Variants in USP22 observed in about 807,000 individuals in gnomAD.
The protein encoded by USP22 is ubiquitin carboxyl-terminal hydrolase 22.
USP22 carries 22 observed loss-of-function variants against 68.1 expected under a neutral mutation model. The ratio of observed to expected loss-of-function variants is 0.32; its 90% CI spans 0.23 to 0.46. USP22 has a LOEUF of 0.46. Among genes scored for constraint, USP22 ranks in the 20% least tolerant of loss-of-function variants. USP22 has a pLI of 1.00. For synonymous variants in USP22, 279 were observed against 274.2 expected, an observed-to-expected ratio of 1.02 and a Z score of -0.17; for missense variants, 433 against 695.8, an observed-to-expected ratio of 0.62 and a Z score of 4.25.
chr17:21,002,831 A>C lies in USP22; in HGVS notation c.*200T>G. 1 of 600,098 alleles carries C rather than the reference A, an allele frequency of 1.7e-6. No homozygotes were observed. Among genetic ancestry groups the C allele is most frequent in the Admixed American group, 2.7e-5 (1 of 37,562 alleles). The allele number at this position is 600,098 out of a possible 1,614,324, so 37.2% of individuals were successfully genotyped here. A position where few individuals can be genotyped will look rare whatever the true frequency, so the allele number is the denominator to read the frequency against. ...CCCTCATCTCATCCATCTTCAAAGC[A>C]GCTCCAGGAGCCTCCCCGTCCGTGT... On this transcript the variant is annotated 3_prime_UTR_variant, in exon 13 of 13. Coordinates refer to ENST00000261497, the MANE Select transcript of USP22 (RefSeq NM_015276.2).
chr17:21,012,004 G>A (rs1054423518), intron 7 of USP22, among the ~76,000 whole-genome samples: 4 of 152,160 alleles, frequency 2.6e-5, no homozygotes, highest in African/African-American at 4.8e-5. Flanking sequence ...AATGGCCCCC[G>A]TGACACAGGC....
At chr17:21,023,636 CTA>C (rs1390409317) in intron 2 of USP22, among the ~76,000 whole-genome samples, 1 of 102,704 alleles carries the variant, frequency 9.7e-6, no homozygotes, top group African/African-American at 3.8e-5. Context: ...GAGTGCCAGA[CTA>C]TGTCTCAAAA....
intron 1 of USP22, among the ~76,000 whole-genome samples, chr17:21,041,759 A>G (rs1218725226): frequency 6.6e-6 from 1 of 152,278 alleles, no homozygotes; most frequent in African/African-American, 2.4e-5. Context: ...AACTGTAAAA[A>G]TAAACTTTAT....
intron 8 of USP22, among the ~76,000 whole-genome samples, chr17:21,009,841 G>A (rs932270157): frequency 4.6e-5 from 7 of 152,080 alleles, no homozygotes; most frequent in African/African-American, 1.7e-4. Flanking sequence ...TGTAATCCCA[G>A]CCACTCGGGA....
At chr17:21,006,866 G>A (rs373800840) in intron 10 of USP22, 30 bp downstream of exon 10, 37 of 1,545,896 alleles carry the variant, frequency 2.4e-5, no homozygotes, top group Non-Finnish European at 3.1e-5. Context: ...AGCCCCTCAG[G>A]ACACAGAACG....
chr17:21,034,356 C>T (rs1972328896), intron 1 of USP22, among the ~76,000 whole-genome samples: 1 of 152,116 alleles, frequency 6.6e-6, no homozygotes, highest in African/African-American at 2.4e-5. Context: ...CCAGGCCTAC[C>T]TAAAAAGTGT....
At position 21,003,116 on chromosome 17, in the gene USP22, A is replaced by G. The variant is rs1401224974; in HGVS notation, c.1536-43T>C. The G allele has an allele frequency of 2.5e-6, 4 of 1,611,204 alleles. No individual in the cohort carries two copies. In the Admixed American group the frequency reaches 6.7e-5, roughly 27 times the overall value. On this transcript the variant is annotated intron_variant, in intron 12 of 12. Coordinates refer to ENST00000261497, the MANE Select transcript of USP22 (RefSeq NM_015276.2). ...GGGAGGAGGCTCACCTCTAACTCCT[A>G]AGACAGGAGCCAGAACAACCCACCC...
At position 21,001,080 on chromosome 17, in the gene USP22, G is replaced by T. The variant is rs1218228051; in HGVS notation, c.*1951C>A. ...AAAAAGACTGCACATCCTCAAAGGA[G>T]ATCTTCAAAGCACTGTCACCCAAAC... On this transcript the variant is annotated 3_prime_UTR_variant, in exon 13 of 13. Coordinates refer to ENST00000261497, the MANE Select transcript of USP22 (RefSeq NM_015276.2). The T allele has an allele frequency of 6.6e-6, 1 of 150,938 alleles. No individual in the cohort carries two copies. Among genetic ancestry groups the T allele is most frequent in the African/African-American group, 2.4e-5 (1 of 41,006 alleles). 9.3% of individuals were successfully genotyped at this position (150,938 alleles called of 1,614,324 possible).
intron 8 of USP22, 125 bp downstream of exon 8, chr17:21,011,026 G>T: frequency 1.5e-6 from 2 of 1,309,320 alleles, no homozygotes; most frequent in Non-Finnish European, 2.0e-6. Context: ...AGCCAATCCA[G>T]GCTCATGCTG....
chr17:21,033,024 G>A (rs368320895), intron 1 of USP22, among the ~76,000 whole-genome samples: 4 of 150,366 alleles, frequency 2.7e-5, no homozygotes, highest in Admixed American at 6.6e-5. Context: ...ATTTGCAGAC[G>A]ATGCGGTTGG....
chr17:21,042,730 G>A lies in USP22; in HGVS notation c.106C>T (p.Gln36Ter). 6.8e-7 allele frequency: 1 copy of A among 1,478,186 alleles called. No homozygotes were observed. Among genetic ancestry groups the A allele is most frequent in the Non-Finnish European group, 9.0e-7 (1 of 1,112,304 alleles). The allele number at this position is 1,478,186 out of a possible 1,614,324, so 91.6% of individuals were successfully genotyped here. A position where few individuals can be genotyped will look rare whatever the true frequency, so the allele number is the denominator to read the frequency against. ...CACTGGTAGATGGCCCGCAGGTTCT[G>A]CTTCCAGTTGTCCACCTTGAAGCTG... is the stretch of plus-strand genomic sequence containing the variant. ...LGSFKVDNWK[Q>*]NLRAIYQCFV... Residue 36 changes from glutamine (Q) to a stop codon, truncating the protein, a stop_gained, in exon 1 of 13, where the codon CAG becomes TAG. Coordinates refer to ENST00000261497, the MANE Select transcript of USP22 (RefSeq NM_015276.2). LOFTEE classifies it high-confidence loss of function.
intron 2 of USP22, among the ~76,000 whole-genome samples, chr17:21,026,911 C>T (rs1972227903): frequency 6.6e-6 from 1 of 151,682 alleles, no homozygotes; most frequent in Non-Finnish European, 1.5e-5. Flanking sequence ...AAGCGATTCT[C>T]CTGCCTCAGC....
chr17:21,029,714 G>C (rs1972265181), intron 1 of USP22, among the ~76,000 whole-genome samples: 2 of 152,196 alleles, frequency 1.3e-5, no homozygotes, highest in Non-Finnish European at 2.9e-5. Context: ...CCACAGAAAG[G>C]AGTGAAGTAC....
chr17:21,043,277 C>T (rs1972472197), upstream of USP22: 1 of 171,748 alleles, frequency 5.8e-6, no homozygotes, highest in Admixed American at 7.7e-5. Flanking sequence ...CGCCCCTCCC[C>T]TTCCTTTATT....
chr17:21,014,592 G>A (rs1322982174), intron 6 of USP22, among the ~76,000 whole-genome samples: 1 of 152,162 alleles, frequency 6.6e-6, no homozygotes, highest in East Asian at 1.9e-4. Flanking sequence ...TAGCTCAACT[G>A]TGGGTTGTTT....
rs1479307469 is a variant in USP22 at position 21,042,933 on chromosome 17, C to A, written c.-98G>T. ...GCTGCTCGGCGGCTGGCCAGGCTGG[C>A]CAAGGCCCGGGCGCCGAGAACAAAG... On this transcript the variant is annotated 5_prime_UTR_variant, in exon 1 of 13. Transcript: ENST00000261497. 6.1e-6 allele frequency: 5 copies of A among 821,928 alleles called. No individual in the cohort carries two copies. Among genetic ancestry groups the A allele is most frequent in the Non-Finnish European group, 8.0e-6 (5 of 625,660 alleles). 50.9% of individuals were successfully genotyped at this position (821,928 alleles called of 1,614,324 possible).
intron 6 of USP22, 79 bp downstream of exon 6, chr17:21,015,673 G>A: frequency 6.7e-7 from 1 of 1,495,086 alleles, no homozygotes; most frequent in Non-Finnish European, 8.9e-7. Context: ...TTTTGCACGA[G>A]TGCATACACT....
intron 11 of USP22, 145 bp from the exon 12 acceptor site, chr17:21,004,496 G>A (rs1913711300): frequency 2.9e-6 from 3 of 1,043,738 alleles, no homozygotes; most frequent in Non-Finnish European, 4.1e-6. Flanking sequence ...TGATGCACAG[G>A]AGGCTGCAGG....
chr17:21,022,035 G>A (rs528948755), intron 2 of USP22, among the ~76,000 whole-genome samples: 15 of 152,294 alleles, frequency 9.8e-5, no homozygotes, highest in African/African-American at 3.1e-4. Context: ...GGGAAGGGGA[G>A]GTTGCAGTGT....
Sources: gnomAD v4.1 joint callset for allele counts (sites outside exome capture counted in the v4.1 genomes callset) on GRCh38, gnomAD v4.1.1 for gene constraint, MANE v1.5 for transcripts, NCBI Gene and HGNC (gene_info 2026-07-23, HGNC 2026-07-21) for gene names.